The following PLA2G4E variants were observed in gnomAD, a reference collection of about 807,000 sequenced individuals.
The protein encoded by PLA2G4E is phospholipase A2 group IVE, also known as cytosolic phospholipase A2 epsilon.
PLA2G4E carries 84 observed loss-of-function variants against 109.1 expected under a neutral mutation model. The observed-to-expected ratio is 0.77, with a 90% confidence interval of 0.65 to 0.92. The LOEUF (loss-of-function observed/expected upper bound fraction) is 0.92. Among genes scored for constraint, PLA2G4E ranks in the 40% least tolerant of loss-of-function variants. The pLI is 0.00. For synonymous variants in PLA2G4E, 469 were observed against 436.1 expected, an observed-to-expected ratio of 1.08 and a Z score of -0.94; for missense variants, 1,057 against 1,076.6, an observed-to-expected ratio of 0.98 and a Z score of 0.25.
At chr15:42,025,902 T>C (rs1275535862) in intron 1 of PLA2G4E, among the ~76,000 whole-genome samples, 1 of 152,190 alleles carries the variant, frequency 6.6e-6, no homozygotes, top group African/African-American at 2.4e-5. Flanking sequence ...ATCTAACCAT[T>C]AAAATAAAAC....
At chr15:42,018,001 T>C (rs975954503) in intron 1 of PLA2G4E, among the ~76,000 whole-genome samples, 3 of 152,108 alleles carry the variant, frequency 2.0e-5, no homozygotes, top group Admixed American at 2.0e-4. Context: ...CAGCACAGAA[T>C]TGGGACTGGG....
At chr15:42,015,914 C>T (rs935468802) in intron 1 of PLA2G4E, among the ~76,000 whole-genome samples, 3 of 152,336 alleles carry the variant, frequency 2.0e-5, no homozygotes, top group African/African-American at 7.2e-5. Context: ...TCATGCCTTT[C>T]CTGTTGGAAC....
intron 1 of PLA2G4E, 59 bp from the exon 2 acceptor site, chr15:42,013,816 CG>C (rs1271896711): frequency 8.7e-6 from 12 of 1,385,644 alleles, no homozygotes; most frequent in East Asian, 2.5e-5. Context: ...GCCATTGCCC[CG>C]GGGGAGACTT....
exon 13 of PLA2G4E, chr15:41,992,917 T>G: frequency 6.2e-7 from 1 of 1,613,856 alleles, no homozygotes; most frequent in Non-Finnish European, 8.5e-7. Flanking sequence ...GCTCCAAGTT[T>G]TTGGAGGACC....
chr15:42,010,142 C>CCCCCCCCCCCCCG (rs139522193), intron 2 of PLA2G4E: 2 of 459,738 alleles, frequency 4.4e-6, no homozygotes, highest in Non-Finnish European at 8.8e-6. Flanking sequence ...GCCCCCCCAC[C>CCCCCCCCCCCCCG]CCGGGCCTGG....
At chr15:42,022,563 C>T (rs2068658049) in intron 1 of PLA2G4E, among the ~76,000 whole-genome samples, 1 of 151,818 alleles carries the variant, frequency 6.6e-6, no homozygotes, top group South Asian at 2.1e-4. Context: ...GATCATCAGG[C>T]ATTAGATTTT....
chr15:42,046,330 G>A (rs1445070036), intron 1 of PLA2G4E, among the ~76,000 whole-genome samples: 2 of 152,134 alleles, frequency 1.3e-5, no homozygotes, highest in African/African-American at 4.8e-5. Flanking sequence ...CGCAGCATCC[G>A]GTCCATAAGG....
At chr15:42,009,957 A>C in intron 2 of PLA2G4E, 1 of 260,146 alleles carries the variant, frequency 3.8e-6, no homozygotes. Context: ...CTGCTCTGCA[A>C]CAACAGGTGG....
chr15:42,034,999 C>T (rs997923147), intron 1 of PLA2G4E, among the ~76,000 whole-genome samples: 1 of 152,344 alleles, frequency 6.6e-6, no homozygotes, highest in Admixed American at 6.5e-5. Context: ...GAGGGCTGTA[C>T]TCTGGGCTCT....
intron 1 of PLA2G4E, among the ~76,000 whole-genome samples, chr15:42,016,572 G>C (rs774615486): frequency 6.6e-6 from 1 of 152,002 alleles, no homozygotes; most frequent in Non-Finnish European, 1.5e-5. Context: ...CCTGGTCTCA[G>C]GTGATTCTGC....
chr15:42,000,175 A>G, exon 8 of PLA2G4E: 2 of 1,595,474 alleles, frequency 1.3e-6, no homozygotes, highest in Non-Finnish European at 1.7e-6. Flanking sequence ...TAGTGGAAGC[A>G]GGCAGCGGTT....
intron 1 of PLA2G4E, among the ~76,000 whole-genome samples, chr15:42,028,359 C>T (rs989770176): frequency 5.4e-5 from 8 of 149,376 alleles, no homozygotes; most frequent in Non-Finnish European, 7.4e-5. Flanking sequence ...TTCTGTACTG[C>T]GTTTTTATTT....
chr15:41,989,614 GC>G (rs151143131), intron 14 of PLA2G4E, 62 bp from the exon 15 acceptor site: 3 of 1,547,314 alleles, frequency 1.9e-6, no homozygotes, highest in Admixed American at 1.9e-5. Flanking sequence ...ACACAGCCGG[GC>G]CCCCCTCCTG....
chr15:41,989,640 C>T, intron 14 of PLA2G4E, 88 bp from the exon 15 acceptor site: 2 of 1,502,988 alleles, frequency 1.3e-6, no homozygotes, highest in Non-Finnish European at 1.8e-6. Flanking sequence ...CAGCCACTGG[C>T]TCAGGCCTTG....
At chr15:42,025,120 C>T (rs184700946) in intron 1 of PLA2G4E, among the ~76,000 whole-genome samples, 59 of 150,732 alleles carry the variant, frequency 3.9e-4, no homozygotes, top group African/African-American at 1.3e-3. Flanking sequence ...GGCATGAATC[C>T]GGGAGGCGGA....
intron 1 of PLA2G4E, among the ~76,000 whole-genome samples, chr15:42,038,770 AT>A (rs1889262933): frequency 6.6e-6 from 1 of 152,158 alleles, no homozygotes; most frequent in African/African-American, 2.4e-5. Context: ...TGTACATGTC[AT>A]GTTTCTTTAG....
chr15:42,013,902 T>G, intron 1 of PLA2G4E, 145 bp from the exon 2 acceptor site: 1 of 626,380 alleles, frequency 1.6e-6, no homozygotes, highest in South Asian at 2.2e-5. Flanking sequence ...TTTTTTTTTT[T>G]TTTTTTTTTA....
chr15:41,988,180 C>T (rs1413424254), intron 15 of PLA2G4E, 24 bp from the exon 16 acceptor site: 1 of 1,527,098 alleles, frequency 6.5e-7, no homozygotes, highest in East Asian at 2.4e-5. Context: ...CCAGCGTGAG[C>T]AGCTCCACCC....
intron 4 of PLA2G4E, among the ~76,000 whole-genome samples, chr15:42,005,522 G>A (rs1242701882): frequency 7.2e-6 from 1 of 139,270 alleles, no homozygotes; most frequent in Non-Finnish European, 1.5e-5. Flanking sequence ...TCAAATGCTG[G>A]CAGAATGATT....
Sources: gnomAD v4.1 joint callset for allele counts (sites outside exome capture counted in the v4.1 genomes callset) on GRCh38, gnomAD v4.1.1 for gene constraint, MANE v1.5 for transcripts, NCBI Gene and HGNC (gene_info 2026-07-23, HGNC 2026-07-21) for gene names.